Variants in NUP210 observed in about 807,000 individuals in gnomAD.
The protein encoded by NUP210 is nucleoporin 210.
In NUP210, 151 loss-of-function variants were observed where a neutral mutation model predicts 196.0. The ratio of observed to expected loss-of-function variants is 0.77; its 90% confidence interval spans 0.67 to 0.88. NUP210 has a LOEUF of 0.88. Ranked by LOEUF, NUP210 falls within the 40% of genes least tolerant of loss-of-function variation. The pLI is 0.00. For synonymous variants in NUP210, 1,070 were observed against 1,052.7 expected (o/e 1.02, Z -0.32); for missense variants, 2,314 against 2,493.7 (o/e 0.93, Z 1.53).
At chr3:13,337,730 C>G in intron 26 of NUP210, 107 bp downstream of exon 26, 1 of 1,037,822 alleles carries the variant, frequency 9.6e-7, no homozygotes, top group Middle Eastern at 2.8e-4. Flanking sequence ...GCCCTAGATA[C>G]CCGGGCCAGG....
chr3:13,376,258 A>T, intron 10 of NUP210, 33 bp downstream of exon 10: 3 of 1,607,728 alleles, frequency 1.9e-6, no homozygotes, highest in Non-Finnish European at 2.6e-6. Context: ...GCTTCATAGG[A>T]CAAGGCACGA....
intron 1 of NUP210, among the ~76,000 whole-genome samples, chr3:13,409,839 A>G (rs1700108101): frequency 8.1e-6 from 1 of 123,084 alleles, no homozygotes; most frequent in Non-Finnish European, 1.9e-5. Context: ...CCTGAATACT[A>G]ATTTTTTTTT....
intron 33 of NUP210, among the ~76,000 whole-genome samples, chr3:13,325,039 C>T (rs1696690548): frequency 6.6e-6 from 1 of 152,220 alleles, no homozygotes; most frequent in African/African-American, 2.4e-5. Flanking sequence ...GTAGATGCCC[C>T]ACCCTCAACC....
chr3:13,368,077 A>T (rs1210251062), intron 13 of NUP210, among the ~76,000 whole-genome samples: 1 of 101,602 alleles, frequency 9.8e-6, no homozygotes, highest in Non-Finnish European at 2.0e-5. Context: ...AAATTTTAAA[A>T]TTTTTATTTT....
At chr3:13,319,540 A>AGAG (rs35109117) in intron 37 of NUP210, among the ~76,000 whole-genome samples, 80,844 of 151,812 alleles carry the variant, frequency 0.53, 21,654 homozygotes, top group East Asian at 0.69. Flanking sequence ...GCTGCTGAGC[A>AGAG]GAGGGGCACA....
intron 9 of NUP210, among the ~76,000 whole-genome samples, chr3:13,376,930 C>T (rs1425182033): frequency 6.6e-6 from 1 of 152,124 alleles, no homozygotes; most frequent in Non-Finnish European, 1.5e-5. Context: ...TGGAATTTCT[C>T]ACAGGGGACA....
At chr3:13,335,344 G>A in intron 28 of NUP210, 110 bp downstream of exon 28, 1 of 1,283,500 alleles carries the variant, frequency 7.8e-7, no homozygotes, top group Non-Finnish European at 1.1e-6. Flanking sequence ...CGGACTGAGA[G>A]CTTCTCAGGT....
rs1698190127 is a variant in NUP210, at chr3:13,356,966, T to C, written c.2328+1256A>G. Among the ~76,000 whole-genome samples, 6 of 152,242 alleles carry C rather than the reference T, an allele frequency of 3.9e-5. No individual in the cohort carries two copies. The South Asian group carries it at 1.2e-3, about 32-fold the overall frequency. On this transcript the variant is annotated intron_variant, in intron 16 of 39. Coordinates refer to ENST00000254508, the MANE Select transcript of NUP210 (RefSeq NM_024923.4). ...AGGACAGGGAAGATGCACATAGGTA[T>C]GATTTGTTTTTCTTTGAAAATGAGA... is the stretch of plus-strand genomic sequence containing the variant.
chr3:13,361,083 C>A (rs1293812528), intron 14 of NUP210, among the ~76,000 whole-genome samples: 1 of 152,204 alleles, frequency 6.6e-6, no homozygotes, highest in Non-Finnish European at 1.5e-5. Context: ...AAAGAGATAT[C>A]CACCAGGTGA....
At position 13,409,501 on chromosome 3, in the gene NUP210, T is replaced by G. The variant is rs554458518; in HGVS notation, c.168-9640A>C. ...CATCTTGAAACTTTCATTTATTCTATGCTTTCTTATGTGTCAATCACAGAG... is the reference window on the plus strand; with the variant it reads ...CATCTTGAAACTTTCATTTATTCTAGGCTTTCTTATGTGTCAATCACAGAG... On this transcript the variant is annotated intron_variant, in intron 1 of 39. Coordinates refer to ENST00000254508, the MANE Select transcript of NUP210 (RefSeq NM_024923.4). Among the ~76,000 whole-genome samples, 4 of 152,360 alleles carry G rather than the reference T, an allele frequency of 2.6e-5. No individual in the cohort carries two copies. In the South Asian group the frequency reaches 8.3e-4, roughly 32 times the overall value.
At chr3:13,412,363 C>T (rs1328224240) in intron 1 of NUP210, among the ~76,000 whole-genome samples, 3 of 151,248 alleles carry the variant, frequency 2.0e-5, no homozygotes, top group Non-Finnish European at 2.9e-5. Context: ...CCACCATGCT[C>T]GGCCCTTTTC....
chr3:13,388,093 C>T (rs1481660), intron 5 of NUP210, among the ~76,000 whole-genome samples: 1 of 152,156 alleles, frequency 6.6e-6, no homozygotes, highest in South Asian at 2.1e-4. Context: ...GAGATGCTTT[C>T]TGGGGCCTCA....
chr3:13,417,549 A>ACT, intron 1 of NUP210, among the ~76,000 whole-genome samples: 1 of 152,340 alleles, frequency 6.6e-6, no homozygotes, highest in South Asian at 2.1e-4. Context: ...ATATATGTCT[A>ACT]TAGGCCAGCT....
At chr3:13,325,709 G>C (rs1696720355) in intron 33 of NUP210, 86 bp downstream of exon 33, 2 of 1,517,336 alleles carry the variant, frequency 1.3e-6, no homozygotes, top group Admixed American at 1.8e-5. Flanking sequence ...TTCCCTAAAA[G>C]GAAAAGTCTT....
intron 1 of NUP210, among the ~76,000 whole-genome samples, chr3:13,418,104 C>T (rs550026865): frequency 2.4e-4 from 36 of 152,328 alleles, no homozygotes; most frequent in African/African-American, 7.2e-4. Context: ...CATGTATCCC[C>T]GCCACAGTAT....
rs58529748 is a variant in NUP210, at chr3:13,366,516, C to CTTTT, written c.1787-429_1787-426dup. On this transcript the variant is annotated intron_variant, in intron 13 of 39. Coordinates refer to ENST00000254508, the MANE Select transcript of NUP210 (RefSeq NM_024923.4). ...GCTTGATCCTTGATCTGATTTCTTT[C>CTTTT]TTTTTTTTTTTTTTTTTTTGAGATA... 2.4e-4 allele frequency among the ~76,000 whole-genome samples: 27 copies of CTTTT among 110,818 alleles called. 1 individual carries two copies. Among genetic ancestry groups the CTTTT allele is most frequent in the East Asian group, 7.8e-4 (3 of 3,848 alleles). 72.7% of individuals were successfully genotyped at this position (110,818 alleles called of 152,430 possible).
At chr3:13,356,651 G>GA (rs1220482424) in intron 16 of NUP210, among the ~76,000 whole-genome samples, 3 of 152,064 alleles carry the variant, frequency 2.0e-5, no homozygotes, top group Non-Finnish European at 2.9e-5. Flanking sequence ...TCAAAAAAAA[G>GA]AAAAACAAAA....
chr3:13,357,934 G>A (rs543599035), intron 16 of NUP210, among the ~76,000 whole-genome samples: 1 of 152,290 alleles, frequency 6.6e-6, no homozygotes, highest in East Asian at 1.9e-4. Context: ...AAACTACCGA[G>A]TGCCAAACAA....
chr3:13,409,840 A>T (rs73813581), intron 1 of NUP210, among the ~76,000 whole-genome samples: 33,159 of 147,544 alleles, frequency 0.22, 5,821 homozygotes, highest in African/African-American at 0.49. Flanking sequence ...CTGAATACTA[A>T]TTTTTTTTTT....
Sources: gnomAD v4.1 joint callset for allele counts (sites outside exome capture counted in the v4.1 genomes callset) on GRCh38, gnomAD v4.1.1 for gene constraint, MANE v1.5 for transcripts, NCBI Gene and HGNC (gene_info 2026-07-23, HGNC 2026-07-21) for gene names.